ZSCAN2: variants seen among roughly 807,000 people sequenced by gnomAD.
The protein encoded by ZSCAN2 is zinc finger and SCAN domain-containing protein 2.
ZSCAN2 carries 26 observed loss-of-function variants against 47.8 expected under a neutral mutation model. The observed-to-expected ratio is 0.54, with a 90% CI of 0.40 to 0.75. ZSCAN2 has a LOEUF of 0.75. Ranked by LOEUF, ZSCAN2 falls within the 30% of genes least tolerant of loss-of-function variation. The pLI is 0.00. For missense variants in ZSCAN2, 732 were observed against 785.4 expected, an observed-to-expected ratio of 0.93 and a Z score of 0.81; for synonymous variants, 305 against 288.7, an observed-to-expected ratio of 1.06 and a Z score of -0.57.
At chr15:84,619,292 T>C (rs969544741) in intron 2 of ZSCAN2, among the ~76,000 whole-genome samples, 3 of 151,952 alleles carry the variant, frequency 2.0e-5, no homozygotes, top group African/African-American at 7.3e-5. Context: ...TAGCCGGGTG[T>C]GGTGGTGGGC....
rs1162363534 is a variant in ZSCAN2, at chr15:84,622,286, G to A, written c.*246G>A. The A allele has an allele frequency of 3.5e-6, 2 of 572,524 alleles. No individual in the cohort carries two copies. Among genetic ancestry groups the A allele is most frequent in the East Asian group, 6.0e-5 (2 of 33,314 alleles). The allele number at this position is 572,524 out of a possible 1,614,324, so 35.5% of individuals were successfully genotyped here. A position where few individuals can be genotyped will look rare whatever the true frequency, so the allele number is the denominator to read the frequency against. On this transcript the variant is annotated 3_prime_UTR_variant, in exon 3 of 3. Transcript: ENST00000546148. ...AAGTTGGGTCTTTTTCCCTTACATTGGGTGACTTGATTGGCCCCCTCTCAT... is the reference window on the plus strand; with the variant it reads ...AAGTTGGGTCTTTTTCCCTTACATTAGGTGACTTGATTGGCCCCCTCTCAT...
rs967001541 is a variant in ZSCAN2, at chr15:84,622,708, T to G, written c.*668T>G. 1.1e-5 allele frequency: 8 copies of G among 717,058 alleles called. No homozygotes were observed. In the African/African-American group the frequency reaches 1.2e-4, roughly 11 times the overall value. The allele number at this position is 717,058 out of a possible 1,614,324, so 44.4% of individuals were successfully genotyped here. A position where few individuals can be genotyped will look rare whatever the true frequency, so the allele number is the denominator to read the frequency against. On this transcript the variant is annotated 3_prime_UTR_variant, in exon 3 of 3. Transcript: ENST00000546148. The stretch of plus-strand genomic sequence containing the variant: ...CTGGAGCCAGTGTCCCAGTGTCCTT[T>G]CCATTGGTAAGAGTTGGACAGGGCC...
chr15:84,620,123 G>GTGTTATTTCCCTCCA (rs1448328187), intron 2 of ZSCAN2, among the ~76,000 whole-genome samples: 4 of 152,126 alleles, frequency 2.6e-5, no homozygotes, highest in Admixed American at 1.3e-4. Flanking sequence ...GCCCCAGGGT[G>GTGTTATTTCCCTCCA]TGTTATTTCC....
At position 84,620,846 on chromosome 15, in the gene ZSCAN2, A is replaced by G; in HGVS notation, c.651A>G (p.Leu217=). Residue 217 remains leucine, a synonymous_variant, in exon 3 of 3, where the codon CTA becomes CTG. Coordinates refer to ENST00000546148, the MANE Select transcript of ZSCAN2 (RefSeq NM_181877.4). ...TCATAGGCCTGCAGGGCACCTACCT[A>G]GGGGAGAAGCCCTACGAATGTCCCC... ...GQLIGLQGTY[L]GEKPYECPQC... is the part of the protein sequence containing the mutation. 1 of 1,614,224 alleles carries G rather than the reference A, an allele frequency of 6.2e-7. No homozygotes were observed. The highest frequency in any genetic ancestry group is 8.5e-7 in the Non-Finnish European group (1 of 1,180,038).
intron 2 of ZSCAN2, among the ~76,000 whole-genome samples, chr15:84,610,749 G>A (rs1895524317): frequency 6.6e-6 from 1 of 151,966 alleles, no homozygotes; most frequent in Non-Finnish European, 1.5e-5. Flanking sequence ...TGCCTCCCAA[G>A]GTGCAGGGAT....
rs1895831773 is a variant in ZSCAN2, at chr15:84,622,134, A to G, written c.*94A>G. 8.6e-7 allele frequency: 1 copy of G among 1,167,126 alleles called. No individual in the cohort carries two copies. The highest frequency in any genetic ancestry group is 1.2e-6 in the Non-Finnish European group (1 of 817,462). The allele number at this position is 1,167,126 out of a possible 1,614,324, so 72.3% of individuals were successfully genotyped here. A position where few individuals can be genotyped will look rare whatever the true frequency, so the allele number is the denominator to read the frequency against. Reference sequence around the variant, plus strand: ...CCTTTCAAAGAGCTGTGCTTCCTAAACATTCTGGGGGGTTTTGCCAGAGTC... The same window carrying G: ...CCTTTCAAAGAGCTGTGCTTCCTAAGCATTCTGGGGGGTTTTGCCAGAGTC... On this transcript the variant is annotated 3_prime_UTR_variant, in exon 3 of 3. Transcript: ENST00000546148.
At chr15:84,610,240 A>G (rs1375847728) in intron 2 of ZSCAN2, among the ~76,000 whole-genome samples, 2 of 152,218 alleles carry the variant, frequency 1.3e-5, no homozygotes, top group African/African-American at 4.8e-5. Context: ...TTACAAAGAA[A>G]TAGATCCCTG....
intron 2 of ZSCAN2, chr15:84,616,431 T>C: frequency 6.3e-7 from 1 of 1,575,588 alleles, no homozygotes; most frequent in Non-Finnish European, 8.6e-7. Context: ...GAAGTGATTT[T>C]CTGCCTGAGC....
rs747135554 is a variant in ZSCAN2 at position 84,622,539 on chromosome 15, C to G, written c.*499C>G. The G allele has an allele frequency of 2.8e-4, 197 of 703,652 alleles. 1 individual carries two copies. Among genetic ancestry groups the G allele is most frequent in the Non-Finnish European group, 4.3e-4 (163 of 378,026 alleles). 43.6% of individuals were successfully genotyped at this position (703,652 alleles called of 1,614,324 possible). A position where few individuals can be genotyped will look rare whatever the true frequency, so the allele number is the denominator to read the frequency against. ...GGCACCCCAAGCTGTCAGTTAGAAT[C>G]TGCTCTTCTGGCTTTGGTGTCTTGG... On this transcript the variant is annotated 3_prime_UTR_variant, in exon 3 of 3. Coordinates refer to ENST00000546148, the MANE Select transcript of ZSCAN2 (RefSeq NM_181877.4).
chr15:84,614,452 A>G (rs1293322265), intron 2 of ZSCAN2: 1 of 152,160 alleles, frequency 6.6e-6, no homozygotes, highest in Non-Finnish European at 1.5e-5. Context: ...TCATTTCTAC[A>G]CTGCCGCATA....
intron 2 of ZSCAN2, among the ~76,000 whole-genome samples, chr15:84,611,392 CTT>C (rs1215131490): frequency 1.3e-5 from 2 of 151,800 alleles, no homozygotes; most frequent in Non-Finnish European, 2.9e-5. Context: ...GAGGTCAAGA[CTT>C]AAGTGAGCCA....
chr15:84,602,850 A>G (rs982634357), intron 1 of ZSCAN2, among the ~76,000 whole-genome samples: 1 of 151,898 alleles, frequency 6.6e-6, no homozygotes, highest in Non-Finnish European at 1.5e-5. Flanking sequence ...AGGCCTCCCA[A>G]AGTGCTGGGA....
rs549752338 is a variant in ZSCAN2 at position 84,620,016 on chromosome 15, A to C, written c.407-586A>C. Among the ~76,000 whole-genome samples, 111 of 149,526 alleles carry C rather than the reference A, an allele frequency of 7.4e-4. 1 individual carries two copies. Among genetic ancestry groups the C allele is most frequent in the African/African-American group, 2.7e-3 (108 of 40,418 alleles). On this transcript the variant is annotated intron_variant, in intron 2 of 2. Transcript: ENST00000546148. ...TTTGCTACAAAGGTAAATGCGTGCC[A>C]TGGTGGTTTACTGCACAGGTCATCC...
Position 84,622,365 on chromosome 15 carries a change from C to T in ZSCAN2, c.*325C>T, listed in dbSNP as rs1895835873. The T allele has an allele frequency of 1.7e-5, 10 of 574,290 alleles. No individual in the cohort carries two copies. In the South Asian group the frequency reaches 2.4e-4, roughly 14 times the overall value. The allele number at this position is 574,290 out of a possible 1,614,324, so 35.6% of individuals were successfully genotyped here. ...GGTAAAATGGGGGGAAATGTTTCTC[C>T]ATGTGGAATGGAAGACAGCATGGCC... is the stretch of plus-strand genomic sequence containing the variant. On this transcript the variant is annotated 3_prime_UTR_variant, in exon 3 of 3. Coordinates refer to ENST00000546148, the MANE Select transcript of ZSCAN2 (RefSeq NM_181877.4).
intron 2 of ZSCAN2, among the ~76,000 whole-genome samples, chr15:84,613,597 T>C (rs893494869): frequency 1.3e-5 from 2 of 152,108 alleles, no homozygotes; most frequent in African/African-American, 4.8e-5. Flanking sequence ...CGTGAGCCAC[T>C]GCACCCGGCC....
At chr15:84,606,199 T>C (rs543239200) in intron 2 of ZSCAN2, among the ~76,000 whole-genome samples, 3 of 152,300 alleles carry the variant, frequency 2.0e-5, no homozygotes, top group South Asian at 2.1e-4. Context: ...CTCCAGGGAC[T>C]GGGTGAATGA....
chr15:84,620,010 C>T lies in ZSCAN2; in HGVS notation c.407-592C>T, dbSNP rs140710252. On this transcript the variant is annotated intron_variant, in intron 2 of 2. Transcript: ENST00000546148. The stretch of plus-strand genomic sequence containing the variant: ...TGCAGGTTTGCTACAAAGGTAAATG[C>T]GTGCCATGGTGGTTTACTGCACAGG... Among the ~76,000 whole-genome samples the T allele has an allele frequency of 5.4e-3, 796 of 148,476 alleles. 9 individuals are homozygous for T. Among genetic ancestry groups the T allele is most frequent in the African/African-American group, 0.019 (753 of 40,202 alleles).
chr15:84,619,933 T>G (rs902551833), intron 2 of ZSCAN2, among the ~76,000 whole-genome samples: 1 of 151,686 alleles, frequency 6.6e-6, no homozygotes, highest in Non-Finnish European at 1.5e-5. Flanking sequence ...GTTGGTTTTT[T>G]TTTTTTTTTT....
At chr15:84,615,549 C>G (rs1895671674) in intron 2 of ZSCAN2, among the ~76,000 whole-genome samples, 1 of 152,118 alleles carries the variant, frequency 6.6e-6, no homozygotes, top group Non-Finnish European at 1.5e-5. Context: ...TAAGTTGTCC[C>G]AAACTGCTGG....
Sources: allele counts gnomAD v4.1 joint callset (sites outside exome capture counted in the v4.1 genomes callset), GRCh38; gene constraint gnomAD v4.1.1; transcripts MANE v1.5; gene names NCBI Gene and HGNC (gene_info 2026-07-23, HGNC 2026-07-21).